The following PRR11 variants were observed in gnomAD, a reference collection of about 807,000 sequenced individuals.
PRR11 encodes proline rich 11, also known as proline-rich protein 11.
A neutral mutation model predicts 45.6 loss-of-function variants in PRR11; 30 were observed. That is an observed-to-expected ratio of 0.66 (90% CI 0.49 to 0.89). The LOEUF is 0.89. Ranked by LOEUF, PRR11 falls within the 40% of genes least tolerant of loss-of-function variation. PRR11 has a pLI of 0.00. For synonymous variants in PRR11, 128 were observed against 153.5 expected (o/e 0.83, Z 1.23); for missense variants, 373 against 424.8 (o/e 0.88, Z 1.07).
intron 1 of PRR11, among the ~76,000 whole-genome samples, chr17:59,163,925 C>T (rs540144489): frequency 7.2e-5 from 11 of 152,136 alleles, no homozygotes; most frequent in South Asian, 6.2e-4. Context: ...CTTAGCCTGG[C>T]GCCGTGGCAG....
At chr17:59,180,372 C>T (rs1341287367) in intron 2 of PRR11, among the ~76,000 whole-genome samples, 1 of 151,264 alleles carries the variant, frequency 6.6e-6, no homozygotes, top group Non-Finnish European at 1.5e-5. Flanking sequence ...CTCAAGTGAT[C>T]CGCCTGCCTT....
intron 2 of PRR11, among the ~76,000 whole-genome samples, chr17:59,184,647 C>A (rs182603618): frequency 2.0e-4 from 30 of 152,220 alleles, no homozygotes; most frequent in African/African-American, 7.2e-4. Context: ...ATTCATGACG[C>A]TTTAAACCGC....
chr17:59,166,092 A>G (rs1401940582), intron 1 of PRR11, among the ~76,000 whole-genome samples: 2 of 152,226 alleles, frequency 1.3e-5, no homozygotes, highest in African/African-American at 2.4e-5. Context: ...TCTGCAAATC[A>G]TGGAACCAAG....
rs984882625 is a variant in PRR11, at chr17:59,204,986, C to T, written c.*3355C>T. Among the ~76,000 whole-genome samples the T allele has an allele frequency of 2.6e-5, 4 of 152,100 alleles. No homozygotes were observed. The highest frequency in any genetic ancestry group is 2.6e-4 in the Admixed American group (4 of 15,258). Reference sequence around the variant, plus strand: ...GAGGCTGCAGTGAGCTGTGTTTATACCACTGCACTCCAGCCTGCTGGGTAA... The same window carrying T: ...GAGGCTGCAGTGAGCTGTGTTTATATCACTGCACTCCAGCCTGCTGGGTAA... On this transcript the variant is annotated 3_prime_UTR_variant, in exon 10 of 10. Transcript: ENST00000262293.
chr17:59,156,654 TTC>T (rs2046625759), intron 1 of PRR11, among the ~76,000 whole-genome samples: 1 of 151,088 alleles, frequency 6.6e-6, no homozygotes, highest in Non-Finnish European at 1.5e-5. Context: ...TTCTCTTTCT[TTC>T]TTTTTTTTTT....
intron 1 of PRR11, among the ~76,000 whole-genome samples, chr17:59,164,119 T>C (rs2046667423): frequency 6.6e-6 from 1 of 152,126 alleles, no homozygotes; most frequent in Non-Finnish European, 1.5e-5. Context: ...CAGTCATAAA[T>C]AAAATTTTAT....
At position 59,193,586 on chromosome 17, in the gene PRR11, C is replaced by G. The variant is rs1451652353; in HGVS notation, c.497C>G (p.Pro166Arg). ...GTGCCTGCCTGCGTTCTGATCACCC[C>G]TGGAGACTCCAAAGCTGTGCTTCCT... Reference protein sequence around the residue: ...TNVPACVLITPGDSKAVLPPT... With the variant: ...TNVPACVLITRGDSKAVLPPT... The change falls in exon 5 of 10, where the codon CCT becomes CGT. Residue 166 changes from proline to arginine, a missense_variant. By Grantham distance (103) the Pro-to-Arg change is moderately radical. Coordinates refer to ENST00000262293, the MANE Select transcript of PRR11 (RefSeq NM_018304.4). 1 of 1,614,058 alleles carries G rather than the reference C, an allele frequency of 6.2e-7. No individual in the cohort carries two copies. Among genetic ancestry groups the G allele is most frequent in the Non-Finnish European group, 8.5e-7 (1 of 1,180,042 alleles).
intron 2 of PRR11, among the ~76,000 whole-genome samples, chr17:59,174,377 C>T (rs190666272): frequency 2.7e-4 from 41 of 152,350 alleles, no homozygotes; most frequent in Middle Eastern, 3.4e-3. Context: ...CTGTGCTGAA[C>T]GTGGTTAGCT....
At chr17:59,162,681 C>G (rs1360178982) in intron 1 of PRR11, among the ~76,000 whole-genome samples, 1 of 146,290 alleles carries the variant, frequency 6.8e-6, no homozygotes, top group Non-Finnish European at 1.5e-5. Context: ...AGTGTAGGCA[C>G]TATATAAATT....
intron 2 of PRR11, chr17:59,181,496 G>T: frequency 8.9e-7 from 1 of 1,125,204 alleles, no homozygotes; most frequent in Non-Finnish European, 1.3e-6. Context: ...GGTGCTCTCT[G>T]GGGTGTCCTC....
intron 2 of PRR11, among the ~76,000 whole-genome samples, chr17:59,177,954 A>G (rs2046757669): frequency 6.6e-6 from 1 of 151,130 alleles, no homozygotes; most frequent in Non-Finnish European, 1.5e-5. Context: ...GTGAGCTGTG[A>G]TCATGCCACT....
In PRR11 at chr17:59,201,175, G is replaced by A. The variant is rs139979527; in HGVS notation, c.1015-388G>A. Among the ~76,000 whole-genome samples, 479 of 151,398 alleles carry A rather than the reference G, an allele frequency of 3.2e-3. 3 individuals carry two copies. The highest frequency in any genetic ancestry group is 0.011 in the African/African-American group (463 of 41,268). On this transcript the variant is annotated intron_variant, in intron 9 of 9. Coordinates refer to ENST00000262293, the MANE Select transcript of PRR11 (RefSeq NM_018304.4). ...TTTGCATCCTCATAGCTTAGCTCCCGGACTTATTTTTTTAATTTAAATATT... is the reference window on the plus strand; with the variant it reads ...TTTGCATCCTCATAGCTTAGCTCCCAGACTTATTTTTTTAATTTAAATATT...
chr17:59,179,704 T>C, intron 2 of PRR11: 4 of 1,435,892 alleles, frequency 2.8e-6, no homozygotes, highest in Non-Finnish European at 3.8e-6. Context: ...ACACTCGCCA[T>C]TGCTTCAGCT....
chr17:59,187,862 TAAA>T (rs761905476), intron 4 of PRR11, among the ~76,000 whole-genome samples: 6 of 128,238 alleles, frequency 4.7e-5, no homozygotes, highest in East Asian at 2.2e-4. Flanking sequence ...GAGACTCCAT[TAAA>T]AAAAAAAAAA....
chr17:59,168,143 T>TTTTTATTTTATTTTATTTTA (rs149225177), intron 1 of PRR11, among the ~76,000 whole-genome samples: 2 of 150,808 alleles, frequency 1.3e-5, no homozygotes, highest in African/African-American at 4.9e-5. Flanking sequence ...CTAGGTAATG[T>TTTTTATTTTATTTTATTTTA]TTTTATTTTA....
At chr17:59,180,127 C>CTTT (rs564643757) in intron 2 of PRR11, among the ~76,000 whole-genome samples, 11 of 114,936 alleles carry the variant, frequency 9.6e-5, no homozygotes, top group Non-Finnish European at 1.6e-4. Context: ...TGAGTCTCTC[C>CTTT]TTTTTTTTTT....
chr17:59,155,918 G>C (rs1054124220), intron 1 of PRR11, 113 bp downstream of exon 1: 1 of 152,228 alleles, frequency 6.6e-6, no homozygotes, highest in Non-Finnish European at 1.5e-5. Flanking sequence ...GGCTGGACAC[G>C]AAGGGGAAAT....
At chr17:59,184,421 C>T (rs1176779143) in intron 2 of PRR11, among the ~76,000 whole-genome samples, 1 of 152,176 alleles carries the variant, frequency 6.6e-6, no homozygotes, top group Non-Finnish European at 1.5e-5. Context: ...AAGATCGCAC[C>T]ATTGCTCTCC....
intron 1 of PRR11, among the ~76,000 whole-genome samples, chr17:59,164,730 T>A (rs766294950): frequency 6.6e-6 from 1 of 151,840 alleles, no homozygotes; most frequent in African/African-American, 2.4e-5. Context: ...ATTTTAAAAA[T>A]TAGCCGGGCA....
Sources: allele counts gnomAD v4.1 joint callset (sites outside exome capture counted in the v4.1 genomes callset), GRCh38; gene constraint gnomAD v4.1.1; transcripts MANE v1.5; gene names NCBI Gene and HGNC (gene_info 2026-07-23, HGNC 2026-07-21).